The following APLF variants were observed in gnomAD, a reference collection of about 807,000 sequenced individuals.
APLF encodes the protein aprataxin and PNK-like factor.
A neutral mutation model predicts 55.6 loss-of-function variants in APLF; 61 were observed. The ratio of observed to expected loss-of-function variants is 1.10; its 90% CI spans 0.89 to 1.36. APLF has a LOEUF of 1.36. Ranked by LOEUF, APLF falls within the 40% of genes most tolerant of loss-of-function variation. APLF has a pLI of 0.00. For synonymous variants in APLF, 207 were observed against 214.8 expected (o/e 0.96, Z 0.32); for missense variants, 611 against 602.5 (o/e 1.01, Z -0.15).
At chr2:68,531,108 C>G (rs1232141886) in intron 6 of APLF, among the ~76,000 whole-genome samples, 1 of 152,170 alleles carries the variant, frequency 6.6e-6, no homozygotes, top group African/African-American at 2.4e-5. Flanking sequence ...ACCTTCTTTC[C>G]TCTTTCAATT....
At chr2:68,567,520 G>T in intron 9 of APLF, 133 bp downstream of exon 9, 2 of 704,384 alleles carry the variant, frequency 2.8e-6, no homozygotes. Flanking sequence ...TGATTTTAAT[G>T]ATTTTTCTTA....
intron 2 of APLF, among the ~76,000 whole-genome samples, chr2:68,492,117 T>C (rs1676383800): frequency 1.3e-5 from 2 of 152,204 alleles, no homozygotes; most frequent in African/African-American, 4.8e-5. Context: ...AGGTGCTTAG[T>C]TGGAGTTGTG....
At chr2:68,565,451 C>G (rs1010224907) in intron 8 of APLF, among the ~76,000 whole-genome samples, 1 of 151,642 alleles carries the variant, frequency 6.6e-6, no homozygotes, top group Admixed American at 6.6e-5. Context: ...CAGAGTGAGA[C>G]CTGTCTCTAA....
chr2:68,541,377 T>C (rs917496725), intron 7 of APLF, among the ~76,000 whole-genome samples: 9 of 152,106 alleles, frequency 5.9e-5, no homozygotes, highest in African/African-American at 1.7e-4. Context: ...TAGATGAGGA[T>C]ATTTGTTACA....
chr2:68,498,330 T>C (rs1573178699), intron 2 of APLF, among the ~76,000 whole-genome samples: 1 of 152,236 alleles, frequency 6.6e-6, no homozygotes, highest in East Asian at 1.9e-4. Flanking sequence ...GTTATGATGA[T>C]CCCTTCTGTA....
intron 7 of APLF, among the ~76,000 whole-genome samples, chr2:68,544,979 C>T (rs935007132): frequency 3.3e-5 from 5 of 152,060 alleles, no homozygotes; most frequent in Admixed American, 2.6e-4. Flanking sequence ...TAGTATGTTA[C>T]TGTGAGAGTC....
At chr2:68,576,413 C>T (rs982147452) in intron 9 of APLF, among the ~76,000 whole-genome samples, 3 of 152,074 alleles carry the variant, frequency 2.0e-5, no homozygotes, top group Non-Finnish European at 4.4e-5. Flanking sequence ...GCAAGATTTT[C>T]CTTAAGGAAC....
intron 7 of APLF, among the ~76,000 whole-genome samples, chr2:68,543,818 G>A (rs1000991975): frequency 1.3e-5 from 2 of 151,998 alleles, no homozygotes; most frequent in African/African-American, 4.8e-5. Flanking sequence ...AAATATAAAA[G>A]GGCTGGTTCA....
intron 1 of APLF, among the ~76,000 whole-genome samples, chr2:68,487,828 C>G (rs1327600755): frequency 1.3e-5 from 2 of 151,970 alleles, no homozygotes; most frequent in African/African-American, 4.8e-5. Flanking sequence ...TAGGGTTTTA[C>G]TTTAAAAGGA....
At position 68,578,136 on chromosome 2, in the gene APLF, T is replaced by A; in HGVS notation, c.*114T>A. 6.9e-7 allele frequency: 1 copy of A among 1,450,554 alleles called. No homozygotes were observed. Among genetic ancestry groups the A allele is most frequent in the Non-Finnish European group, 9.0e-7 (1 of 1,106,458 alleles). The allele number at this position is 1,450,554 out of a possible 1,614,324, so 89.9% of individuals were successfully genotyped here. A position where few individuals can be genotyped will look rare whatever the true frequency, so the allele number is the denominator to read the frequency against. The stretch of plus-strand genomic sequence containing the variant: ...TTATTTTCCTTCTTTTGATAGTTAA[T>A]GACTTTTACTACTGACTCTTTACAA... On this transcript the variant is annotated 3_prime_UTR_variant, in exon 10 of 10. Coordinates refer to ENST00000303795, the MANE Select transcript of APLF (RefSeq NM_173545.3).
chr2:68,550,408 T>A (rs1670825662), intron 8 of APLF, among the ~76,000 whole-genome samples: 1 of 152,060 alleles, frequency 6.6e-6, no homozygotes, highest in African/African-American at 2.4e-5. Context: ...ATTTTTGTAT[T>A]TTTAGTAGAG....
At chr2:68,501,906 A>T (rs1487185995) in intron 2 of APLF, among the ~76,000 whole-genome samples, 3 of 152,196 alleles carry the variant, frequency 2.0e-5, no homozygotes, top group Non-Finnish European at 2.9e-5. Context: ...TAATGAACAG[A>T]CATTTATTTG....
At chr2:68,515,275 A>C (rs1669547021) in intron 5 of APLF, among the ~76,000 whole-genome samples, 1 of 144,976 alleles carries the variant, frequency 6.9e-6, no homozygotes, top group South Asian at 2.2e-4. Context: ...TCCCACCCCC[A>C]CAGTTACTTC....
At position 68,540,753 on chromosome 2, in the gene APLF, A is replaced by G. The variant is rs536316546; in HGVS notation, c.1160+2526A>G. 2.0e-5 allele frequency among the ~76,000 whole-genome samples: 3 copies of G among 151,556 alleles called. No individual in the cohort carries two copies. The South Asian group carries it at 6.2e-4, about 32-fold the overall frequency. ...TAAAGCAGTCTTTATCAGAATCCCA[A>G]TAGGGTGTATGTGCATGCGTGTGTG... is the stretch of plus-strand genomic sequence containing the variant. On this transcript the variant is annotated intron_variant, in intron 7 of 9. Coordinates refer to ENST00000303795, the MANE Select transcript of APLF (RefSeq NM_173545.3).
At chr2:68,533,404 C>T (rs948728121) in intron 6 of APLF, among the ~76,000 whole-genome samples, 6 of 152,016 alleles carry the variant, frequency 3.9e-5, no homozygotes, top group East Asian at 1.9e-4. Context: ...ACAACATAAG[C>T]GAAAATAGTA....
chr2:68,565,546 C>CATAG, intron 8 of APLF, among the ~76,000 whole-genome samples: 1 of 151,996 alleles, frequency 6.6e-6, no homozygotes, highest in Middle Eastern at 3.4e-3. Context: ...TACATACATA[C>CATAG]ATACATACAT....
At chr2:68,502,925 A>T in intron 3 of APLF, 22 bp downstream of exon 3, 1 of 1,583,794 alleles carries the variant, frequency 6.3e-7, no homozygotes, top group Non-Finnish European at 8.6e-7. Context: ...ATGAAATGAG[A>T]GTAAGAATGT....
intron 5 of APLF, among the ~76,000 whole-genome samples, chr2:68,517,523 AAT>A (rs1240572272): frequency 5.4e-4 from 76 of 141,878 alleles, no homozygotes; most frequent in African/African-American, 1.6e-3. Context: ...TTAATATATC[AAT>A]ATATGTTATT....
At chr2:68,569,543 T>C (rs1316310016) in intron 9 of APLF, among the ~76,000 whole-genome samples, 2 of 152,090 alleles carry the variant, frequency 1.3e-5, no homozygotes, top group African/African-American at 4.8e-5. Flanking sequence ...AAAGGGTGTA[T>C]TGAAGCTAGA....
Sources: allele counts gnomAD v4.1 joint callset (sites outside exome capture counted in the v4.1 genomes callset), GRCh38; gene constraint gnomAD v4.1.1; transcripts MANE v1.5; gene names NCBI Gene and HGNC (gene_info 2026-07-23, HGNC 2026-07-21).